VGLL4: variants seen among roughly 807,000 people sequenced by gnomAD.
VGLL4 encodes the protein vestigial like family member 4, also known as transcription cofactor vestigial-like protein 4.
VGLL4 carries 7 observed loss-of-function variants against 21.0 expected under a neutral mutation model. The ratio of observed to expected loss-of-function variants is 0.33; its 90% CI spans 0.19 to 0.63. The LOEUF (loss-of-function observed/expected upper bound fraction) is 0.63, where lower values mean the gene tolerates loss of function less well. VGLL4 is among the 20% of genes least tolerant of loss of function. The pLI, the probability that VGLL4 is intolerant of heterozygous loss-of-function variation, is 0.78. For synonymous variants in VGLL4, 222 were observed against 173.2 expected, an observed-to-expected ratio of 1.28 and a Z score of -2.21; for missense variants, 394 against 425.7, an observed-to-expected ratio of 0.93 and a Z score of 0.66.
chr3:11,681,291 G>A (rs1034419069), intron 2 of VGLL4, among the ~76,000 whole-genome samples: 1 of 152,136 alleles, frequency 6.6e-6, no homozygotes, highest in Admixed American at 6.5e-5. Flanking sequence ...TAGAGACGGG[G>A]TTTCACCATG....
At chr3:11,709,435 T>TAAA (rs58100629) in intron 1 of VGLL4, among the ~76,000 whole-genome samples, 160 of 108,802 alleles carry the variant, frequency 1.5e-3, no homozygotes, top group East Asian at 8.0e-3. Context: ...AGACTCCGTC[T>TAAA]AAAAAAAAAA....
rs754936885 is a variant in VGLL4 at position 11,604,214 on chromosome 3, C to CT, written c.83-2193dup. 1.3e-4 allele frequency: 32 copies of CT among 254,400 alleles called. 1 individual carries two copies. The highest frequency in any genetic ancestry group is 5.2e-4 in the Admixed American group (8 of 15,286). The allele number at this position is 254,400 out of a possible 1,614,324, so 15.8% of individuals were successfully genotyped here. ...CCGGGGAGACGGTGGTAAATGCGTG[C>CT]TGTAGTACTTCAGCATCTCAGCTTG... On this transcript the variant is annotated intron_variant, in intron 1 of 4. Transcript: ENST00000430365.
intron 1 of VGLL4, among the ~76,000 whole-genome samples, chr3:11,622,044 C>G (rs2075274629): frequency 6.6e-6 from 1 of 152,028 alleles, no homozygotes; most frequent in South Asian, 2.1e-4. Context: ...AATACAGGTC[C>G]CTTCTCAGAC....
rs140420103 is a variant in VGLL4, at chr3:11,558,667, C to T, written c.780G>A (p.Ala260=). Residue 260 remains alanine, a synonymous_variant, in exon 5 of 5, where the codon GCG becomes GCA. Coordinates refer to ENST00000430365, the MANE Select transcript of VGLL4 (RefSeq NM_001128219.3). ...ALGDTWLQIK[A]AKDGASSSPE... ...GGCTGCTGGATGCTCCGTCCTTGGC[C>T]GCTTTGATCTGGAGCCACGTGTCAC... is the stretch of plus-strand genomic sequence containing the variant. 68 of 1,613,226 alleles carry T rather than the reference C, an allele frequency of 4.2e-5. No homozygotes were observed. The African/African-American group carries it at 5.6e-4, about 13-fold the overall frequency.
In VGLL4 at chr3:11,568,493, T is replaced by C. The variant is rs558153244; in HGVS notation, c.273-3474A>G. ...CCAGGCCCACTAACTGGAAAGACAG[T>C]CCGTGGAACACAGCACAGTGGGCAC... On this transcript the variant is annotated intron_variant, in intron 2 of 4. Transcript: ENST00000430365. The surrounding 1 kb of genome is among the most constrained non-coding windows in gnomAD (Gnocchi z 5.9). The C allele has an allele frequency of 1.6e-3, 2,240 of 1,427,256 alleles. 3 individuals are homozygous for C. Among genetic ancestry groups the C allele is most frequent in the Non-Finnish European group, 1.9e-3 (1,949 of 1,039,142 alleles). The allele number at this position is 1,427,256 out of a possible 1,614,324, so 88.4% of individuals were successfully genotyped here.
At chr3:11,629,123 A>C (rs1313800080) in intron 1 of VGLL4, among the ~76,000 whole-genome samples, 2 of 152,224 alleles carry the variant, frequency 1.3e-5, no homozygotes, top group Admixed American at 6.5e-5. Context: ...GAATGAAATA[A>C]AATTCAGAAT....
Position 11,572,119 on chromosome 3 carries a change from T to C in VGLL4, c.273-7100A>G, listed in dbSNP as rs544733004. Among the ~76,000 whole-genome samples, 47 of 152,208 alleles carry C rather than the reference T, an allele frequency of 3.1e-4. 2 individuals carry two copies. In the Middle Eastern group the frequency reaches 0.02, roughly 66 times the overall value. ...TGAGACCCTGTCTCAAAAAAAAAGT[T>C]GGGGAATCTCTGAGTAAGTGATTGA... On this transcript the variant is annotated intron_variant, in intron 2 of 4. Coordinates refer to ENST00000430365, the MANE Select transcript of VGLL4 (RefSeq NM_001128219.3).
At chr3:11,574,218 C>A (rs559036002) in intron 2 of VGLL4, among the ~76,000 whole-genome samples, 12 of 152,210 alleles carry the variant, frequency 7.9e-5, no homozygotes, top group Admixed American at 2.6e-4. Context: ...CGTACCCACC[C>A]GCTGCCTTGC....
chr3:11,719,050 G>A lies in VGLL4; in HGVS notation c.-14+1344C>T, dbSNP rs760332032. ...AGCGAACAGCCCTGTGCTCTTCCGC[G>A]AGGCCTGCACTGGGTGCAGGGAGAG... On this transcript the variant is annotated intron_variant, in intron 1 of 5. Transcript: ENST00000273038. This position sits in a 1 kb window ranked among gnomAD's most constrained non-coding sequence, Gnocchi z 4.0. Among the ~76,000 whole-genome samples, 5 of 152,200 alleles carry A rather than the reference G, an allele frequency of 3.3e-5. No homozygotes were observed. Among genetic ancestry groups the A allele is most frequent in the Non-Finnish European group, 7.3e-5 (5 of 68,032 alleles).
chr3:11,625,799 G>C (rs1014712793), intron 1 of VGLL4, among the ~76,000 whole-genome samples: 3 of 151,554 alleles, frequency 2.0e-5, no homozygotes, highest in Non-Finnish European at 4.4e-5. Context: ...AGTAACAAAA[G>C]ACCAAATATT....
At chr3:11,707,377 G>A (rs890497729) in intron 1 of VGLL4, among the ~76,000 whole-genome samples, 4 of 147,924 alleles carry the variant, frequency 2.7e-5, no homozygotes, top group East Asian at 2.0e-4. Context: ...GTGTAGGATG[G>A]TTTGACTGGA....
upstream of VGLL4, among the ~76,000 whole-genome samples, chr3:11,648,093 A>T (rs888524918): frequency 2.0e-5 from 3 of 152,210 alleles, no homozygotes; most frequent in South Asian, 4.1e-4. Context: ...AGGGAATTGG[A>T]AAGATGGGTC....
chr3:11,576,612 AC>A (rs2074053783), intron 2 of VGLL4, among the ~76,000 whole-genome samples: 1 of 152,182 alleles, frequency 6.6e-6, no homozygotes, highest in Non-Finnish European at 1.5e-5. Context: ...ACTACTTGAG[AC>A]AGCTGAGGCG....
At chr3:11,588,610 G>A (rs541498827) in intron 2 of VGLL4, among the ~76,000 whole-genome samples, 1 of 152,358 alleles carries the variant, frequency 6.6e-6, no homozygotes, top group South Asian at 2.1e-4. Flanking sequence ...TGCAAACAGG[G>A]GGCTAAACTA....
chr3:11,683,161 A>T (rs2076399918), intron 2 of VGLL4, among the ~76,000 whole-genome samples: 1 of 151,916 alleles, frequency 6.6e-6, no homozygotes, highest in African/African-American at 2.4e-5. Context: ...TGGGAAGCGG[A>T]GGTTGCAGTG....
At chr3:11,704,163 C>T (rs2076723960) in intron 1 of VGLL4, among the ~76,000 whole-genome samples, 1 of 151,906 alleles carries the variant, frequency 6.6e-6, no homozygotes, top group African/African-American at 2.4e-5. Flanking sequence ...GGCAGGTAAC[C>T]TGAGGTCGGG....
At chr3:11,658,058 G>A (rs545445595) in intron 2 of VGLL4, among the ~76,000 whole-genome samples, 30 of 151,964 alleles carry the variant, frequency 2.0e-4, no homozygotes, top group Non-Finnish European at 3.7e-4. Context: ...CTCAGTCTCC[G>A]GAGCAGCTGA....
At chr3:11,605,104 C>CATGTTG (rs2074903588) in intron 1 of VGLL4, among the ~76,000 whole-genome samples, 2 of 21,518 alleles carry the variant, frequency 9.3e-5, no homozygotes, top group Admixed American at 4.6e-4. Context: ...AGCGCCCCCA[C>CATGTTG]GCCCACCCCC....
chr3:11,573,295 GAAA>G (rs1559869817), intron 2 of VGLL4, among the ~76,000 whole-genome samples: 1,598 of 12,486 alleles, frequency 0.13, 165 homozygotes, highest in South Asian at 0.16. Flanking sequence ...AAGAAAGAAA[GAAA>G]GAAAGAAAGG....
Sources: allele counts gnomAD v4.1 joint callset (sites outside exome capture counted in the v4.1 genomes callset), GRCh38; gene constraint gnomAD v4.1.1; non-coding constraint Gnocchi (gnomAD v3.1); transcripts MANE v1.5; gene names NCBI Gene and HGNC (gene_info 2026-07-23, HGNC 2026-07-21).